Variants in ITFG2 observed in about 807,000 individuals in gnomAD.
ITFG2 encodes the protein integrin alpha FG-GAP repeat containing 2, also known as KICSTOR complex protein ITFG2.
In ITFG2, 36 loss-of-function variants were observed where a neutral mutation model predicts 54.4. The ratio of observed to expected loss-of-function variants is 0.66; its 90% confidence interval spans 0.51 to 0.87. ITFG2 has a LOEUF of 0.87. Ranked by LOEUF, ITFG2 falls within the 40% of genes least tolerant of loss-of-function variation. The probability of loss-of-function intolerance (pLI) is 0.00; values close to 1 mark genes in which losing one functional copy is unlikely to be tolerated. For missense variants in ITFG2, 524 were observed against 576.7 expected (o/e 0.91, Z 0.94); for synonymous variants, 211 against 225.4 (o/e 0.94, Z 0.57).
chr12:2,840,427 G>A (rs1248196619), intron 1 of ITFG2, among the ~76,000 whole-genome samples: 9 of 149,252 alleles, frequency 6.0e-5, no homozygotes, highest in African/African-American at 2.0e-4. Context: ...CTGCACCCCA[G>A]CCTGGGAGAC....
At chr12:2,850,475 C>CAAAAA (rs1275655927) in intron 2 of ITFG2, among the ~76,000 whole-genome samples, 4 of 70,664 alleles carry the variant, frequency 5.7e-5, no homozygotes, top group African/African-American at 1.5e-4. Context: ...GACTCTGTCT[C>CAAAAA]AAAAAAAAAA....
intron 5 of ITFG2, 123 bp downstream of exon 5, chr12:2,820,348 C>T: frequency 8.3e-7 from 1 of 1,203,000 alleles, no homozygotes; most frequent in Non-Finnish European, 1.1e-6. Context: ...GTCACCTTGT[C>T]AAGAGAGATC....
rs572895530 is a variant in ITFG2 at position 2,838,509 on chromosome 12, TTGGA to T, written n.146+1554_146+1557del. On this transcript the variant is annotated intron_variant and non_coding_transcript_variant, in intron 1 of 3. Coordinates refer to the ITFG2 transcript ENST00000537710. ...GTGCCTGGGGCATAGAATGGAGACTTTGGAGTTTGGAGTTTGGAGTGGGTTTGGG... is the reference window on the plus strand; with the variant it reads ...GTGCCTGGGGCATAGAATGGAGACTTGTTTGGAGTTTGGAGTGGGTTTGGG... Among the ~76,000 whole-genome samples, 46 of 152,192 alleles carry T rather than the reference TTGGA, an allele frequency of 3.0e-4. No individual in the cohort carries two copies. In the South Asian group the frequency reaches 9.1e-3, roughly 30 times the overall value.
chr12:2,812,965 T>C (rs920492153), intron 1 of ITFG2, 109 bp downstream of exon 1: 20 of 895,594 alleles, frequency 2.2e-5, no homozygotes, highest in African/African-American at 1.8e-4. Flanking sequence ...ATGCGCGCTG[T>C]GGCTAGTTTG....
rs115249521 is a variant in ITFG2, at chr12:2,838,554, C to T, written n.146+1598C>T. Among the ~76,000 whole-genome samples, 1,195 of 152,276 alleles carry T rather than the reference C, an allele frequency of 7.8e-3. 15 individuals are homozygous for T. The highest frequency in any genetic ancestry group is 0.026 in the African/African-American group (1,092 of 41,558). ...TGGGTTTGGGGACATCAGCTTCTCT[C>T]TTCCAGTTAGTCTGATAAGTCCTTT... On this transcript the variant is annotated intron_variant and non_coding_transcript_variant, in intron 1 of 3. Transcript: ENST00000537710.
At chr12:2,844,274 C>T (rs1159747899) in intron 2 of ITFG2, among the ~76,000 whole-genome samples, 1 of 151,694 alleles carries the variant, frequency 6.6e-6, no homozygotes, top group African/African-American at 2.4e-5. Flanking sequence ...TAAAATAAGG[C>T]TGGGCATGGT....
chr12:2,857,332 G>A, intron 2 of ITFG2: 1 of 445,236 alleles, frequency 2.2e-6, no homozygotes, highest in Non-Finnish European at 4.1e-6. Context: ...TGGGAATGAA[G>A]CACCTGTAAC....
At chr12:2,813,235 C>A (rs528043929) in intron 1 of ITFG2, among the ~76,000 whole-genome samples, 1 of 152,322 alleles carries the variant, frequency 6.6e-6, no homozygotes, top group Admixed American at 6.5e-5. Context: ...TGGGGTTTCA[C>A]CATGTTGGCC....
intron 3 of ITFG2, chr12:2,859,430 G>A (rs766362569): frequency 2.5e-6 from 4 of 1,614,078 alleles, no homozygotes; most frequent in Non-Finnish European, 3.4e-6. Flanking sequence ...CCTCCCAGGA[G>A]TGAGATGATT....
At chr12:2,847,492 C>T (rs938113459) in intron 2 of ITFG2, among the ~76,000 whole-genome samples, 1 of 152,124 alleles carries the variant, frequency 6.6e-6, no homozygotes, top group Non-Finnish European at 1.5e-5. Context: ...ACGGTGAAAC[C>T]CCGTCTCTAC....
intron 9 of ITFG2, 96 bp from the exon 10 acceptor site, chr12:2,822,698 G>A (rs536102480): frequency 3.1e-5 from 33 of 1,059,812 alleles, no homozygotes; most frequent in Middle Eastern, 2.7e-4. Flanking sequence ...GTTTACTGCC[G>A]AACCCACGGG....
At chr12:2,836,137 C>T (rs1258921044), upstream of ITFG2, among the ~76,000 whole-genome samples, 1 of 152,238 alleles carries the variant, frequency 6.6e-6, no homozygotes, top group Non-Finnish European at 1.5e-5. Flanking sequence ...TACACCTACA[C>T]CTAGGAGTGG....
At chr12:2,830,823 C>T (rs753946285) in intron 2 of ITFG2, 2 of 1,613,638 alleles carry the variant, frequency 1.2e-6, no homozygotes, top group Admixed American at 1.7e-5. Context: ...ATTCGGGTTT[C>T]CCTCCACCAG....
intron 4 of ITFG2, chr12:2,818,606 T>C (rs1472555684): frequency 5.0e-6 from 2 of 402,762 alleles, no homozygotes; most frequent in Non-Finnish European, 9.4e-6. Context: ...CAGGCTGTAG[T>C]GAGCTATGAT....
chr12:2,824,250 A>G lies in ITFG2; in HGVS notation c.*57A>G. The G allele has an allele frequency of 2.7e-6, 4 of 1,495,938 alleles. No homozygotes were observed. The highest frequency in any genetic ancestry group is 3.7e-6 in the Non-Finnish European group (4 of 1,073,222). 92.7% of individuals were successfully genotyped at this position (1,495,938 alleles called of 1,614,324 possible). ...TTCTGAACCCCCACCCTACCCCCTA[A>G]AGGTATCTGTGGTATTGGCAGGATA... On this transcript the variant is annotated 3_prime_UTR_variant, in exon 12 of 12. Coordinates refer to ENST00000228799, the MANE Select transcript of ITFG2 (RefSeq NM_018463.4).
chr12:2,825,389 C>A (rs750919274), downstream of ITFG2: 1 of 152,312 alleles, frequency 6.6e-6, no homozygotes, highest in Non-Finnish European at 1.5e-5. Flanking sequence ...GCAGCTGAGC[C>A]GAGGGCTTGC....
chr12:2,812,959 G>A (rs183995098), intron 1 of ITFG2, 103 bp downstream of exon 1: 3 of 948,652 alleles, frequency 3.2e-6, no homozygotes, highest in Admixed American at 1.8e-5. Flanking sequence ...GTGAGCATGC[G>A]CGCTGTGGCT....
chr12:2,850,978 C>CTTTTTTTTTT (rs35125854), intron 2 of ITFG2, among the ~76,000 whole-genome samples: 2 of 81,666 alleles, frequency 2.4e-5, no homozygotes, highest in African/African-American at 5.5e-5. Context: ...GGCCCAGAGT[C>CTTTTTTTTTT]TTTTTTTTTT....
At chr12:2,828,646 C>T (rs1009232017), downstream of ITFG2, among the ~76,000 whole-genome samples, 3 of 152,162 alleles carry the variant, frequency 2.0e-5, no homozygotes, top group Admixed American at 6.5e-5. Flanking sequence ...TCAAGACCAG[C>T]CTGACCAGGG....
Sources: gnomAD v4.1 joint callset for allele counts (sites outside exome capture counted in the v4.1 genomes callset) on GRCh38, gnomAD v4.1.1 for gene constraint, MANE v1.5 for transcripts, NCBI Gene and HGNC (gene_info 2026-07-23, HGNC 2026-07-21) for gene names.